FAM185A: variants seen among roughly 807,000 people sequenced by gnomAD.
FAM185A encodes protein FAM185A.
Under a neutral mutation model 45.7 loss-of-function variants are expected in FAM185A, and 21 were observed. The ratio of observed to expected loss-of-function variants is 0.46; its 90% confidence interval spans 0.33 to 0.66. The LOEUF is 0.66. FAM185A is among the 30% of genes least tolerant of loss of function. The pLI is 0.03. For synonymous variants in FAM185A, 117 were observed against 194.0 expected (o/e 0.60, Z 3.30); for missense variants, 305 against 485.4 (o/e 0.63, Z 3.49).
At chr7:102,777,110 T>G (rs1795119776) in intron 5 of FAM185A, 143 bp from the exon 6 acceptor site, 3 of 796,226 alleles carry the variant, frequency 3.8e-6, no homozygotes, top group Non-Finnish European at 5.8e-6. Context: ...GTGCAAACAA[T>G]GGCATTGTTA....
At chr7:102,816,454 C>T in the FAM185A span, among the ~76,000 whole-genome samples, 2 of 152,094 alleles carry the variant, frequency 1.3e-5, no homozygotes, top group Non-Finnish European at 2.9e-5. Context: ...AATCCTTAGC[C>T]GTGACTAGCT....
chr7:102,792,043 A>T (rs1230205834), intron 7 of FAM185A, among the ~76,000 whole-genome samples: 1 of 143,524 alleles, frequency 7.0e-6, no homozygotes, highest in East Asian at 2.1e-4. Context: ...AGGGATAAAA[A>T]TAGAAATACT....
chr7:102,749,813 T>C (rs529131669), intron 1 of FAM185A, among the ~76,000 whole-genome samples, 155 bp downstream of exon 1: 1 of 152,350 alleles, frequency 6.6e-6, no homozygotes, highest in Non-Finnish European at 1.5e-5. Flanking sequence ...TGTTCTGTTC[T>C]TGAGTGTCCG....
chr7:102,818,502 T>C, the FAM185A span, among the ~76,000 whole-genome samples: 1 of 152,204 alleles, frequency 6.6e-6, no homozygotes, highest in Non-Finnish European at 1.5e-5. Flanking sequence ...ATAATAAAAG[T>C]CAACAGCTCC....
At chr7:102,813,196 A>C (rs1353982714), downstream of FAM185A, 13 of 756,584 alleles carry the variant, frequency 1.7e-5, no homozygotes, top group Non-Finnish European at 2.5e-5. Flanking sequence ...TGTGTTTGGA[A>C]ATATTTGTAG....
chr7:102,751,869 T>C (rs1793384918), intron 2 of FAM185A, 68 bp downstream of exon 2: 1 of 589,190 alleles, frequency 1.7e-6, no homozygotes. Context: ...AATCGTACTA[T>C]CAAACTCAAG....
chr7:102,813,622 C>A, downstream of FAM185A: 1 of 1,300,494 alleles, frequency 7.7e-7, no homozygotes, highest in Non-Finnish European at 1.1e-6. Context: ...TTAGGGAATT[C>A]ACTGTCACAA....
chr7:102,813,166 T>C, downstream of FAM185A: 1 of 654,448 alleles, frequency 1.5e-6, no homozygotes, highest in African/African-American at 1.9e-5. Context: ...TCATGATTAT[T>C]TAGACAGAAG....
At chr7:102,838,899 C>T in the FAM185A span, among the ~76,000 whole-genome samples, 1 of 152,096 alleles carries the variant, frequency 6.6e-6, no homozygotes, top group Non-Finnish European at 1.5e-5. Context: ...TGGCAAAGAC[C>T]TCGTGGGATG....
the FAM185A span, among the ~76,000 whole-genome samples, chr7:102,834,878 ATGTGTGTGTGTGTG>A: frequency 9.1e-3 from 1,342 of 147,156 alleles, 21 homozygotes; most frequent in African/African-American, 0.031. Context: ...CCATTCCACA[ATGTGTGTGTGTGTG>A]TGTGTGTGTG....
chr7:102,810,197 T>G (rs1269668104), downstream of FAM185A, among the ~76,000 whole-genome samples: 1 of 152,158 alleles, frequency 6.6e-6, no homozygotes, highest in East Asian at 1.9e-4. Flanking sequence ...CTAAATCGCT[T>G]GGATTATATT....
intron 7 of FAM185A, among the ~76,000 whole-genome samples, chr7:102,804,979 G>A (rs1488229411): frequency 1.3e-5 from 2 of 152,086 alleles, no homozygotes; most frequent in African/African-American, 4.8e-5. Flanking sequence ...ACCACAATAT[G>A]GTACCACCTT....
Position 102,749,342 on chromosome 7 carries a change from G to C in FAM185A, c.135G>C (p.Glu45Asp). 6.5e-7 allele frequency: 1 copy of C among 1,549,308 alleles called. No individual in the cohort carries two copies. Among genetic ancestry groups the C allele is most frequent in the Non-Finnish European group, 8.7e-7 (1 of 1,146,736 alleles). The change falls in exon 1 of 8, where the codon GAG becomes GAC. Residue 45 changes from glutamate to aspartate, a missense_variant. Glu to Asp is a conservative substitution (Grantham distance 45, BLOSUM62 2). Transcript: ENST00000413034. ...GGCCGTACAGCTCAGGTGGGAGCGA[G>C]CGCTGGCCCGGATCGGAGACTGAGG... Reference protein sequence around the residue: ...QARPYSSGGSERWPGSETEVP... With the variant: ...QARPYSSGGSDRWPGSETEVP...
the FAM185A span, among the ~76,000 whole-genome samples, chr7:102,828,639 G>A: frequency 6.6e-6 from 1 of 152,014 alleles, no homozygotes; most frequent in Admixed American, 6.6e-5. Context: ...GTAAAATGAG[G>A]GTAATTTAAA....
chr7:102,761,704 C>T (rs1794115694), intron 4 of FAM185A, among the ~76,000 whole-genome samples: 1 of 151,488 alleles, frequency 6.6e-6, no homozygotes, highest in South Asian at 2.1e-4. Flanking sequence ...TGCTCTGTTG[C>T]CTAGGCTGGA....
the FAM185A span, among the ~76,000 whole-genome samples, chr7:102,849,132 C>T: frequency 3.3e-5 from 5 of 152,210 alleles, no homozygotes; most frequent in South Asian, 2.1e-4. Context: ...CATACTTTGC[C>T]GTCTGTTATT....
chr7:102,791,735 G>A (rs1188462483), intron 7 of FAM185A, among the ~76,000 whole-genome samples: 2 of 151,910 alleles, frequency 1.3e-5, no homozygotes, highest in Non-Finnish European at 2.9e-5. Context: ...TGGACCTCAG[G>A]TGAAGAGAGC....
At chr7:102,849,355 C>T in the FAM185A span, among the ~76,000 whole-genome samples, 255 of 152,336 alleles carry the variant, frequency 1.7e-3, 1 homozygote, top group African/African-American at 5.6e-3. Context: ...AGGCTCCAGA[C>T]ACTGACTCTG....
chr7:102,834,090 G>GGAAGGA, the FAM185A span, among the ~76,000 whole-genome samples: 349 of 70,456 alleles, frequency 5.0e-3, 6 homozygotes, highest in East Asian at 0.011. Flanking sequence ...GGAAAGAAAA[G>GGAAGGA]AAAGAAAGAA....
Sources: gnomAD v4.1 joint callset for allele counts (sites outside exome capture counted in the v4.1 genomes callset) on GRCh38, gnomAD v4.1.1 for gene constraint, MANE v1.5 for transcripts, NCBI Gene and HGNC (gene_info 2026-07-23, HGNC 2026-07-21) for gene names.